Variants in EFHB observed in about 807,000 individuals in gnomAD.
The protein encoded by EFHB is EF-hand domain family member B.
EFHB carries 91 observed loss-of-function variants against 87.2 expected under a neutral mutation model. The observed-to-expected ratio is 1.04, with a 90% CI of 0.88 to 1.24. The LOEUF (loss-of-function observed/expected upper bound fraction) is 1.24, where lower values mean the gene tolerates loss of function less well. Among genes scored for constraint, EFHB ranks in the 50% most tolerant of loss-of-function variants. EFHB has a pLI of 0.00. For missense variants in EFHB, 1,084 were observed against 998.8 expected (o/e 1.09, Z -1.15); for synonymous variants, 325 against 333.6 (o/e 0.97, Z 0.28).
intron 1 of EFHB, among the ~76,000 whole-genome samples, chr3:19,943,770 C>T (rs1239705068): frequency 6.6e-6 from 1 of 152,162 alleles, no homozygotes; most frequent in Admixed American, 6.5e-5. Flanking sequence ...AAGAACCAAT[C>T]ACAAGCAGAT....
At chr3:19,925,759 C>T (rs1232040368) in intron 1 of EFHB, among the ~76,000 whole-genome samples, 1 of 152,126 alleles carries the variant, frequency 6.6e-6, no homozygotes, top group Non-Finnish European at 1.5e-5. Flanking sequence ...GATATAAGAC[C>T]ATTTTCAGCT....
intron 5 of EFHB, among the ~76,000 whole-genome samples, chr3:19,910,252 C>A (rs1695008883): frequency 6.6e-6 from 1 of 152,082 alleles, no homozygotes; most frequent in Admixed American, 6.6e-5. Context: ...AGTCCCAGGC[C>A]ATTAACTTCA....
chr3:19,934,916 T>A (rs879880142), upstream of EFHB, among the ~76,000 whole-genome samples: 4,844 of 30,296 alleles, frequency 0.16, 105 homozygotes, highest in Non-Finnish European at 0.23. Context: ...TTAAAGTAAT[T>A]TTTTTTTTTT....
intron 6 of EFHB, among the ~76,000 whole-genome samples, chr3:19,902,730 T>A (rs111665381): frequency 6.6e-6 from 1 of 152,130 alleles, no homozygotes; most frequent in Non-Finnish European, 1.5e-5. Flanking sequence ...ATCGTGCATA[T>A]AAAATTAGAT....
At position 19,888,447 on chromosome 3, in the gene EFHB, T is replaced by G. The variant is rs1694184587; in HGVS notation, c.1930A>C (p.Lys644Gln). The G allele has an allele frequency of 6.7e-7, 1 of 1,483,190 alleles. No individual in the cohort carries two copies. The highest frequency in any genetic ancestry group is 9.1e-7 in the Non-Finnish European group (1 of 1,102,602). The allele number at this position is 1,483,190 out of a possible 1,614,324, so 91.9% of individuals were successfully genotyped here. A position where few individuals can be genotyped will look rare whatever the true frequency, so the allele number is the denominator to read the frequency against. The stretch of plus-strand genomic sequence containing the variant: ...CAAACCTTCAAAAATTAAATACCTT[T>G]AATAATGACCCTCTCTTCATACTCT... ...LKEYEERVII[K>Q]GRKPDCVNPT... Residue 644 changes from lysine to glutamine, a missense_variant, in exon 10 of 13, where the codon AAA (lysine) becomes CAA (glutamine). Physicochemically the swap from Lys to Gln is moderately conservative, Grantham distance 53 (BLOSUM62 1). Coordinates refer to ENST00000295824, the MANE Select transcript of EFHB (RefSeq NM_144715.4).
chr3:19,924,962 A>T (rs368369231), intron 1 of EFHB, among the ~76,000 whole-genome samples: 109 of 152,142 alleles, frequency 7.2e-4, no homozygotes, highest in African/African-American at 2.3e-3. Flanking sequence ...TAGAGTTAGG[A>T]TGGCCGGGCG....
intron 6 of EFHB, among the ~76,000 whole-genome samples, chr3:19,903,366 C>T: frequency 6.6e-6 from 1 of 152,016 alleles, no homozygotes; most frequent in African/African-American, 2.4e-5. Flanking sequence ...TTCTTGAGGA[C>T]CACATTGTTG....
In EFHB at chr3:19,896,811, G is replaced by A. The variant is rs146223900; in HGVS notation, c.1601C>T (p.Pro534Leu). ...GVGDLIHNRL[P>L]DEYLRGKDRQ... ...ATCCTTGCCTCGAAGATATTCATCCGGAAGTCTATTATGGATGAGATCACC... is the reference window on the plus strand; with the variant it reads ...ATCCTTGCCTCGAAGATATTCATCCAGAAGTCTATTATGGATGAGATCACC... The change falls in exon 9 of 13, where the codon CCG becomes CTG. Residue 534 changes from proline to leucine, a missense_variant. Pro to Leu is a moderately conservative substitution (Grantham distance 98, BLOSUM62 -3). Coordinates refer to ENST00000295824, the MANE Select transcript of EFHB (RefSeq NM_144715.4). 77 of 1,613,676 alleles carry A rather than the reference G, an allele frequency of 4.8e-5. No individual in the cohort carries two copies. Among genetic ancestry groups the A allele is most frequent in the South Asian group, 2.9e-4 (26 of 91,044 alleles).
intron 4 of EFHB, 144 bp downstream of exon 4, chr3:19,918,088 C>A (rs1288037519): frequency 1.0e-6 from 1 of 979,254 alleles, no homozygotes; most frequent in African/African-American, 1.7e-5. Context: ...CTGAGAGTAA[C>A]TTTCTTGCAA....
intron 1 of EFHB, among the ~76,000 whole-genome samples, chr3:19,930,100 G>A (rs1430280876): frequency 6.6e-6 from 1 of 152,194 alleles, no homozygotes; most frequent in African/African-American, 2.4e-5. Context: ...TATTAATATA[G>A]TAAGCCACCA....
intron 9 of EFHB, 47 bp downstream of exon 9, chr3:19,896,640 G>T (rs1376540844): frequency 5.6e-6 from 9 of 1,612,854 alleles, no homozygotes; most frequent in Admixed American, 5.0e-5. Flanking sequence ...AAACTGCTGG[G>T]ATCTGTAAGC....
rs1416097613 is a variant in EFHB at position 19,898,781 on chromosome 3, A to G, written c.1567T>C (p.Tyr523His). ...TFGACLRPEEYGVGDLIHNRL... is the reference protein window; with the variant it reads ...TFGACLRPEEHGVGDLIHNRL... ...CGGAGAAAGTGTGTATATTTACCAT[A>G]TTCCTCAGGACGGAGACAAGCTCCA... is the stretch of plus-strand genomic sequence containing the variant. The change falls in exon 8 of 13, where the codon TAT becomes CAT. Residue 523 changes from tyrosine to histidine, a missense_variant. Tyr to His is a moderately conservative substitution (Grantham distance 83). Transcript: ENST00000295824. 6.2e-7 allele frequency: 1 copy of G among 1,613,400 alleles called. No individual in the cohort carries two copies. The highest frequency in any genetic ancestry group is 1.7e-5 in the Admixed American group (1 of 59,932).
rs746891889 is a variant in EFHB at position 19,933,639 on chromosome 3, T to A, written c.380A>T (p.Gln127Leu). The A allele has an allele frequency of 2.5e-6, 4 of 1,613,998 alleles. No homozygotes were observed. In the South Asian group the frequency reaches 4.4e-5, roughly 18 times the overall value. The change falls in exon 1 of 13, where the codon CAG (glutamine) becomes CTG (leucine). Residue 127 changes from glutamine (Q) to leucine (L), a missense_variant. By Grantham distance (113) the Gln-to-Leu change is moderately radical. Transcript: ENST00000295824. ...LAGYTHERII[Q>L]PPLGRVCGSS... ...TCCACACACCCTGCCCAAAGGAGGC[T>A]GTATTATCCGTTCATGGGTATATCC...
chr3:19,884,280 A>T (rs2071755816), intron 11 of EFHB, 123 bp downstream of exon 11: 1 of 907,860 alleles, frequency 1.1e-6, no homozygotes, highest in Non-Finnish European at 1.6e-6. Context: ...TTAGAATATG[A>T]ATTAAATGCA....
At chr3:19,918,591 C>T (rs573817115) in intron 3 of EFHB, among the ~76,000 whole-genome samples, 179 bp from the exon 4 acceptor site, 19 of 152,164 alleles carry the variant, frequency 1.2e-4, no homozygotes, top group African/African-American at 4.6e-4. Context: ...AGTTTAAACA[C>T]GCCTACAAGA....
Position 19,896,698 on chromosome 3 carries a change from G to A in EFHB, c.1714C>T (p.His572Tyr), listed in dbSNP as rs769908304. ...CCCCCATTACTGGCCTTGTCATAGT[G>A]CCTGAAGGCTGCCAGCAAAGTGTCA... is the stretch of plus-strand genomic sequence containing the variant. ...KFDTLLAAFR[H>Y]YDKKGDGMID... The change falls in exon 9 of 13, where the codon CAC (histidine) becomes TAC (tyrosine). Residue 572 changes from histidine to tyrosine, a missense_variant. Coordinates refer to ENST00000295824, the MANE Select transcript of EFHB (RefSeq NM_144715.4). 9 of 1,613,848 alleles carry A rather than the reference G, an allele frequency of 5.6e-6. No individual in the cohort carries two copies. The highest frequency in any genetic ancestry group is 7.6e-6 in the Non-Finnish European group (9 of 1,179,892).
intron 1 of EFHB, among the ~76,000 whole-genome samples, chr3:19,930,500 T>C (rs1360754816): frequency 1.3e-5 from 2 of 152,266 alleles, no homozygotes; most frequent in Non-Finnish European, 2.9e-5. Flanking sequence ...CTTTCTCCGA[T>C]TCTAATAACC....
At chr3:19,915,773 A>G (rs889967729) in intron 4 of EFHB, among the ~76,000 whole-genome samples, 1 of 145,304 alleles carries the variant, frequency 6.9e-6, no homozygotes, top group African/African-American at 2.6e-5. Flanking sequence ...AAAAAAAAAA[A>G]TCCAGCCTGG....
chr3:19,935,036 G>A (rs868643422), upstream of EFHB, among the ~76,000 whole-genome samples: 13 of 151,840 alleles, frequency 8.6e-5, no homozygotes, highest in African/African-American at 3.1e-4. Context: ...TCAGCCTTCC[G>A]GGTAGCTGGG....
Sources: gnomAD v4.1 joint callset for allele counts (sites outside exome capture counted in the v4.1 genomes callset) on GRCh38, gnomAD v4.1.1 for gene constraint, MANE v1.5 for transcripts, NCBI Gene and HGNC (gene_info 2026-07-23, HGNC 2026-07-21) for gene names.